FMNL2: variants seen among roughly 807,000 people sequenced by gnomAD.
FMNL2 encodes the protein formin like 2.
Under a neutral mutation model 130.2 loss-of-function variants are expected in FMNL2, and 51 were observed. The observed-to-expected ratio is 0.39, with a 90% CI of 0.31 to 0.49. FMNL2 has a LOEUF of 0.49. FMNL2 is among the 20% of genes least tolerant of loss of function. The probability of loss-of-function intolerance (pLI) is 0.85; values close to 1 mark genes in which losing one functional copy is unlikely to be tolerated. For synonymous variants in FMNL2, 465 were observed against 467.1 expected (o/e 1.00, Z 0.06); for missense variants, 977 against 1,316.2 (o/e 0.74, Z 3.99).
intron 1 of FMNL2, among the ~76,000 whole-genome samples, chr2:152,488,540 G>A (rs1690965382): frequency 6.6e-6 from 1 of 152,078 alleles, no homozygotes. Context: ...CTGAGATAAC[G>A]TATAATTTAG....
intron 1 of FMNL2, among the ~76,000 whole-genome samples, chr2:152,347,873 C>T (rs1267175953): frequency 1.3e-5 from 2 of 152,064 alleles, no homozygotes; most frequent in Non-Finnish European, 2.9e-5. Flanking sequence ...AAGCCAGCTA[C>T]GACTTGGCCA....
chr2:152,491,120 G>C (rs955638059), intron 1 of FMNL2, among the ~76,000 whole-genome samples: 7 of 152,076 alleles, frequency 4.6e-5, no homozygotes, highest in African/African-American at 1.7e-4. Context: ...AAAATCACTT[G>C]TATAATGAAT....
At chr2:152,412,966 C>CATT (rs1230537349) in intron 1 of FMNL2, among the ~76,000 whole-genome samples, 3 of 152,108 alleles carry the variant, frequency 2.0e-5, no homozygotes, top group African/African-American at 7.2e-5. Context: ...CCTGTTGAAC[C>CATT]ATTAACCCCA....
At chr2:152,336,052 G>C (rs1681405844) in intron 1 of FMNL2, among the ~76,000 whole-genome samples, 1 of 151,732 alleles carries the variant, frequency 6.6e-6, no homozygotes, top group Non-Finnish European at 1.5e-5. Context: ...GCGCGGGCTG[G>C]GAGGAGGAGG....
chr2:152,607,646 C>A, intron 10 of FMNL2: 1 of 341,750 alleles, frequency 2.9e-6, no homozygotes, highest in East Asian at 4.6e-5. Context: ...AAGTACTAAT[C>A]ATAGCAAATA....
chr2:152,523,353 A>G (rs1693209831), intron 2 of FMNL2, among the ~76,000 whole-genome samples: 2 of 152,180 alleles, frequency 1.3e-5, no homozygotes, highest in South Asian at 2.1e-4. Flanking sequence ...ATAAATGCTT[A>G]TAAGAGACCA....
chr2:152,409,982 A>G (rs1686195422), intron 1 of FMNL2, among the ~76,000 whole-genome samples: 1 of 152,248 alleles, frequency 6.6e-6, no homozygotes. Flanking sequence ...ACTCGAGACA[A>G]AACGAGTAGG....
At chr2:152,425,187 T>G (rs1021101780) in intron 1 of FMNL2, among the ~76,000 whole-genome samples, 6 of 152,228 alleles carry the variant, frequency 3.9e-5, no homozygotes, top group Non-Finnish European at 5.9e-5. Flanking sequence ...TGGGTTAATT[T>G]TCTGGTGCTT....
rs3080598 is a variant in FMNL2 at position 152,607,470 on chromosome 2, TACACACACACACAC to T, written c.951+81_951+94del. The T allele has an allele frequency of 8.2e-3, 5,071 of 617,998 alleles. 246 individuals are homozygous for T. The Admixed American group carries it at 0.12, about 15-fold the overall frequency. 38.3% of individuals were successfully genotyped at this position (617,998 alleles called of 1,614,324 possible). A position where few individuals can be genotyped will look rare whatever the true frequency, so the allele number is the denominator to read the frequency against. ...TCAGTTTCAATACTTTTTTTCTAAA[TACACACACACACAC>T]ACACACACACACACACACACACATA... On this transcript the variant is annotated intron_variant, in intron 10 of 25. Coordinates refer to ENST00000288670, the MANE Select transcript of FMNL2 (RefSeq NM_052905.4).
At chr2:152,347,390 G>C (rs540332060) in intron 1 of FMNL2, among the ~76,000 whole-genome samples, 2 of 152,246 alleles carry the variant, frequency 1.3e-5, no homozygotes, top group Non-Finnish European at 2.9e-5. Flanking sequence ...AGGAAATATT[G>C]ACACTGCAGC....
chr2:152,611,902 T>C (rs1476901372), intron 11 of FMNL2, among the ~76,000 whole-genome samples: 1 of 152,176 alleles, frequency 6.6e-6, no homozygotes, highest in Non-Finnish European at 1.5e-5. Context: ...CTGGGTCAAG[T>C]CTCATTGCAT....
chr2:152,492,867 G>A (rs1413493846), intron 1 of FMNL2, among the ~76,000 whole-genome samples: 1 of 152,088 alleles, frequency 6.6e-6, no homozygotes, highest in East Asian at 1.9e-4. Flanking sequence ...GAAAATAGCC[G>A]ATATATTATT....
chr2:152,546,797 C>T (rs1694666206), intron 3 of FMNL2, among the ~76,000 whole-genome samples: 1 of 152,076 alleles, frequency 6.6e-6, no homozygotes, highest in African/African-American at 2.4e-5. Flanking sequence ...TTTTTTGTCT[C>T]CTTTCTCTTC....
intron 1 of FMNL2, among the ~76,000 whole-genome samples, chr2:152,490,386 CT>C: frequency 6.6e-6 from 1 of 152,092 alleles, no homozygotes; most frequent in Admixed American, 6.5e-5. Context: ...CAGCATCATT[CT>C]CGGGCAGAGT....
chr2:152,548,341 A>G (rs905747671), intron 3 of FMNL2, among the ~76,000 whole-genome samples: 5 of 152,186 alleles, frequency 3.3e-5, no homozygotes, highest in African/African-American at 1.2e-4. Flanking sequence ...TGACGGGGGA[A>G]AGTTCCTACC....
chr2:152,459,023 G>A (rs1446461377), intron 1 of FMNL2, among the ~76,000 whole-genome samples: 1 of 152,196 alleles, frequency 6.6e-6, no homozygotes, highest in Non-Finnish European at 1.5e-5. Flanking sequence ...GACATGGTAA[G>A]ACAGTACAGT....
chr2:152,445,765 A>C (rs1688299826), intron 1 of FMNL2, among the ~76,000 whole-genome samples: 1 of 152,136 alleles, frequency 6.6e-6, no homozygotes, highest in South Asian at 2.1e-4. Flanking sequence ...ACATTTGGGA[A>C]TCACCACTGT....
intron 1 of FMNL2, among the ~76,000 whole-genome samples, chr2:152,446,147 A>G (rs1463440564): frequency 1.3e-5 from 2 of 152,192 alleles, no homozygotes; most frequent in Non-Finnish European, 2.9e-5. Context: ...ACTTGGCATT[A>G]TAGTCAGTGA....
intron 1 of FMNL2, among the ~76,000 whole-genome samples, chr2:152,482,198 C>T (rs748091543): frequency 2.6e-5 from 4 of 152,124 alleles, no homozygotes; most frequent in Non-Finnish European, 5.9e-5. Flanking sequence ...AAATACAAAG[C>T]CTTAGCATGT....
Sources: allele counts gnomAD v4.1 joint callset (sites outside exome capture counted in the v4.1 genomes callset), GRCh38; gene constraint gnomAD v4.1.1; transcripts MANE v1.5; gene names NCBI Gene and HGNC (gene_info 2026-07-23, HGNC 2026-07-21).